MEF2A: variants seen among roughly 807,000 people sequenced by gnomAD.
The protein encoded by MEF2A is myocyte-specific enhancer factor 2A.
A neutral mutation model predicts 55.8 loss-of-function variants in MEF2A; 28 were observed. The observed-to-expected ratio is 0.50, with a 90% CI of 0.37 to 0.69. The LOEUF is 0.69. Among genes scored for constraint, MEF2A ranks in the 30% least tolerant of loss-of-function variants. The probability of loss-of-function intolerance (pLI) is 0.00; values close to 1 mark genes in which losing one functional copy is unlikely to be tolerated. For synonymous variants in MEF2A, 239 were observed against 227.1 expected (o/e 1.05, Z -0.47); for missense variants, 528 against 626.2 (o/e 0.84, Z 1.67).
intron 6 of MEF2A, among the ~76,000 whole-genome samples, chr15:99,674,837 T>A (rs2051607837): frequency 6.6e-6 from 1 of 152,212 alleles, no homozygotes; most frequent in Non-Finnish European, 1.5e-5. Flanking sequence ...ATTTATATGC[T>A]TTCCTTCTCA....
chr15:99,602,653 G>GTGT (rs1555454715), intron 2 of MEF2A, among the ~76,000 whole-genome samples: 6 of 44,870 alleles, frequency 1.3e-4, no homozygotes, highest in African/African-American at 3.5e-4. Context: ...ACATTCCTGG[G>GTGT]GTGTGTGTGT....
At chr15:99,695,570 T>TGTGTGTGTG (rs200260929) in intron 8 of MEF2A, among the ~76,000 whole-genome samples, 2 of 151,650 alleles carry the variant, frequency 1.3e-5, no homozygotes, top group African/African-American at 2.4e-5. Context: ...TGTGTGTGTG[T>TGTGTGTGTG]TTCTTAAAAA....
At chr15:99,702,546 G>A (rs531315482) in intron 8 of MEF2A, among the ~76,000 whole-genome samples, 60 of 150,758 alleles carry the variant, frequency 4.0e-4, no homozygotes, top group Admixed American at 6.7e-4. Context: ...TCCTGCCTCA[G>A]TCTCCTGAGT....
chr15:99,683,595 G>A (rs1332258528), intron 7 of MEF2A, among the ~76,000 whole-genome samples: 1 of 151,574 alleles, frequency 6.6e-6, no homozygotes, highest in African/African-American at 2.4e-5. Flanking sequence ...TTTTTAGTGG[G>A]GTTTCGCCAT....
rs116694180 is a variant in MEF2A at position 99,675,302 on chromosome 15, G to A, written c.611-97G>A. The A allele has an allele frequency of 1.3e-5, 14 of 1,064,380 alleles. No homozygotes were observed. In the African/African-American group the frequency reaches 2.0e-4, roughly 15 times the overall value. The allele number at this position is 1,064,380 out of a possible 1,614,324, so 65.9% of individuals were successfully genotyped here. On this transcript the variant is annotated intron_variant, in intron 6 of 11. Transcript: ENST00000557942. ...ATTTTTGTGTCTTTTTAGGATTAGA[G>A]TGAGAGTTATCTCTATTCAGTTCAC...
At chr15:99,597,464 G>T (rs1343099069) in intron 1 of MEF2A, among the ~76,000 whole-genome samples, 1 of 152,014 alleles carries the variant, frequency 6.6e-6, no homozygotes, top group Non-Finnish European at 1.5e-5. Flanking sequence ...AGTGACAATG[G>T]TGCCCGAAAC....
At chr15:99,574,643 C>T (rs990619071) in intron 1 of MEF2A, among the ~76,000 whole-genome samples, 7 of 152,038 alleles carry the variant, frequency 4.6e-5, no homozygotes, top group Non-Finnish European at 1.0e-4. Flanking sequence ...TAAGTGTTGC[C>T]GTTGATCTGA....
At chr15:99,707,269 G>C (rs2058139566) in intron 10 of MEF2A, among the ~76,000 whole-genome samples, 1 of 152,156 alleles carries the variant, frequency 6.6e-6, no homozygotes, top group Non-Finnish European at 1.5e-5. Context: ...CTTTGGGAAA[G>C]ACATGAATCC....
At chr15:99,577,236 G>C (rs1278629455) in intron 1 of MEF2A, among the ~76,000 whole-genome samples, 1 of 152,146 alleles carries the variant, frequency 6.6e-6, no homozygotes, top group Admixed American at 6.5e-5. Flanking sequence ...TTCTGATCCA[G>C]GAGTTATTGA....
At chr15:99,619,647 A>G (rs1352836222) in intron 2 of MEF2A, among the ~76,000 whole-genome samples, 2 of 152,224 alleles carry the variant, frequency 1.3e-5, no homozygotes, top group Admixed American at 6.5e-5. Context: ...AATGTGTTCT[A>G]TACCATGATT....
intron 8 of MEF2A, among the ~76,000 whole-genome samples, chr15:99,695,085 AT>A (rs1477199499): frequency 2.6e-5 from 4 of 151,944 alleles, no homozygotes; most frequent in African/African-American, 7.3e-5. Context: ...AGAATCAGGC[AT>A]TTCTCCAAGG....
chr15:99,703,737 G>A (rs550716463), intron 9 of MEF2A, among the ~76,000 whole-genome samples: 1 of 151,908 alleles, frequency 6.6e-6, no homozygotes, highest in African/African-American at 2.4e-5. Flanking sequence ...CTTCACCCTC[G>A]AAGTTCCTCA....
intron 2 of MEF2A, among the ~76,000 whole-genome samples, chr15:99,619,278 G>C (rs995570899): frequency 3.9e-4 from 60 of 152,156 alleles, no homozygotes; most frequent in African/African-American, 1.4e-3. Context: ...CAGACTAGCT[G>C]CTCCGAAAAC....
At chr15:99,611,391 GATAA>G (rs1251339516) in intron 2 of MEF2A, among the ~76,000 whole-genome samples, 2 of 152,126 alleles carry the variant, frequency 1.3e-5, no homozygotes, top group African/African-American at 2.4e-5. Flanking sequence ...CTCCGAAGAA[GATAA>G]ATAAATGACC....
chr15:99,650,538 A>G (rs550560165), intron 4 of MEF2A, among the ~76,000 whole-genome samples: 3 of 152,324 alleles, frequency 2.0e-5, no homozygotes, highest in Non-Finnish European at 2.9e-5. Flanking sequence ...CATTGAGGCA[A>G]TGGAGACACA....
intron 1 of MEF2A, among the ~76,000 whole-genome samples, chr15:99,566,828 T>TG (rs1473343154): frequency 6.6e-6 from 1 of 152,018 alleles, no homozygotes; most frequent in Non-Finnish European, 1.5e-5. Flanking sequence ...CACCTGCGGT[T>TG]GCGGACGCCC....
At chr15:99,670,296 T>C (rs952546181) in intron 4 of MEF2A, among the ~76,000 whole-genome samples, 6 of 152,126 alleles carry the variant, frequency 3.9e-5, no homozygotes, top group Admixed American at 1.3e-4. Context: ...AGGAGATATT[T>C]TAATGGCACT....
intron 3 of MEF2A, among the ~76,000 whole-genome samples, chr15:99,644,340 TA>T (rs1482979255): frequency 4.6e-5 from 7 of 152,208 alleles, no homozygotes; most frequent in Non-Finnish European, 1.0e-4. Flanking sequence ...TCATGCTACA[TA>T]GGAAATAGAC....
chr15:99,637,961 C>T (rs1481734940), intron 3 of MEF2A, among the ~76,000 whole-genome samples: 1 of 152,104 alleles, frequency 6.6e-6, no homozygotes, highest in Non-Finnish European at 1.5e-5. Flanking sequence ...TTTATTGTAG[C>T]CATCCTGATG....
Sources: allele counts gnomAD v4.1 joint callset (sites outside exome capture counted in the v4.1 genomes callset), GRCh38; gene constraint gnomAD v4.1.1; transcripts MANE v1.5; gene names NCBI Gene and HGNC (gene_info 2026-07-23, HGNC 2026-07-21).